The following PPAT variants were observed in gnomAD, a reference collection of about 807,000 sequenced individuals.
PPAT encodes the protein amidophosphoribosyltransferase.
Under a neutral mutation model 60.2 loss-of-function variants are expected in PPAT, and 20 were observed. The observed-to-expected ratio is 0.33, with a 90% CI of 0.23 to 0.48. The LOEUF (loss-of-function observed/expected upper bound fraction) is 0.48, where lower values mean the gene tolerates loss of function less well. Among genes scored for constraint, PPAT ranks in the 20% least tolerant of loss-of-function variants. The pLI, the probability that PPAT is intolerant of heterozygous loss-of-function variation, is 0.99. For synonymous variants in PPAT, 194 were observed against 215.1 expected (o/e 0.90, Z 0.86); for missense variants, 349 against 629.6 (o/e 0.55, Z 4.77).
At chr4:56,420,557 T>C (rs1183949672) in intron 1 of PPAT, 12 of 152,114 alleles carry the variant, frequency 7.9e-5, no homozygotes, top group Non-Finnish European at 1.5e-5. Context: ...TTCCCCAGAA[T>C]AGAAACAGTA....
chr4:56,425,250 C>T (rs1717227651), intron 1 of PPAT: 1 of 153,734 alleles, frequency 6.5e-6, no homozygotes, highest in Non-Finnish European at 1.4e-5. Context: ...AATATTTAAA[C>T]ACTTTTGTAT....
chr4:56,404,346 T>C (rs1470663141), intron 3 of PPAT, among the ~76,000 whole-genome samples: 1 of 152,172 alleles, frequency 6.6e-6, no homozygotes, highest in Non-Finnish European at 1.5e-5. Flanking sequence ...GTGATCATAA[T>C]GGTGGCTACC....
chr4:56,398,054 A>G (rs1281567853), intron 9 of PPAT, among the ~76,000 whole-genome samples: 1 of 151,722 alleles, frequency 6.6e-6, no homozygotes, highest in African/African-American at 2.4e-5. Flanking sequence ...GAAAAAAGAA[A>G]AAAAGGCATA....
At chr4:56,424,477 G>T (rs1578133955) in intron 1 of PPAT, among the ~76,000 whole-genome samples, 1 of 152,114 alleles carries the variant, frequency 6.6e-6, no homozygotes, top group South Asian at 2.1e-4. Flanking sequence ...TGCTAATGCC[G>T]ATAGATTATC....
intron 1 of PPAT, among the ~76,000 whole-genome samples, chr4:56,417,938 C>G (rs1716852370): frequency 6.7e-6 from 1 of 149,704 alleles, no homozygotes; most frequent in Non-Finnish European, 1.5e-5. Context: ...CTCCCAGGTT[C>G]AAGCGATTCT....
rs182653467 is a variant in PPAT, at chr4:56,424,792, C to A, written c.128+10558G>T. Among the ~76,000 whole-genome samples the A allele has an allele frequency of 2.1e-3, 325 of 152,300 alleles. 10 individuals are homozygous for A. In the South Asian group the frequency reaches 0.038, roughly 18 times the overall value. On this transcript the variant is annotated intron_variant, in intron 1 of 10. Coordinates refer to ENST00000264220, the MANE Select transcript of PPAT (RefSeq NM_002703.5). Reference sequence around the variant, plus strand: ...TAGGAGAAACAAAATTGACTTAATTCCGCTCCAATATCAGCTGCCATTTAT... The same window carrying A: ...TAGGAGAAACAAAATTGACTTAATTACGCTCCAATATCAGCTGCCATTTAT...
chr4:56,422,828 T>TCC (rs1717110533), intron 1 of PPAT: 1 of 152,192 alleles, frequency 6.6e-6, no homozygotes, highest in Admixed American at 6.5e-5. Context: ...GAAGCAATGT[T>TCC]CCCCATCGCT....
intron 8 of PPAT, chr4:56,400,137 C>T (rs55909588): frequency 0.081 from 12,355 of 152,354 alleles, 682 homozygotes; most frequent in East Asian, 0.25. Context: ...TTTCTTCCAT[C>T]TCTGCCACCC....
At chr4:56,414,151 C>T (rs572371406) in intron 1 of PPAT, 1 of 152,226 alleles carries the variant, frequency 6.6e-6, no homozygotes, top group Admixed American at 6.5e-5. Context: ...AGTTTTCTCC[C>T]TAGGGCTTAG....
intron 1 of PPAT, among the ~76,000 whole-genome samples, chr4:56,417,007 G>A (rs751002117): frequency 3.9e-5 from 6 of 151,980 alleles, no homozygotes; most frequent in African/African-American, 1.5e-4. Context: ...GCACCATCAC[G>A]CCCAGCTAAT....
In PPAT at chr4:56,403,519, T is replaced by C. The variant is rs966600695; in HGVS notation, c.403-118A>G. ...TGTGGATGTCCAGTTACAAAAATCCTGCATCCCACTAATGCAGCAGTCCCC... is the reference window on the plus strand; with the variant it reads ...TGTGGATGTCCAGTTACAAAAATCCCGCATCCCACTAATGCAGCAGTCCCC... On this transcript the variant is annotated intron_variant, in intron 3 of 10. Transcript: ENST00000264220. 10 of 738,044 alleles carry C rather than the reference T, an allele frequency of 1.4e-5. No individual in the cohort carries two copies. In the African/African-American group the frequency reaches 1.6e-4, roughly 12 times the overall value. 45.7% of individuals were successfully genotyped at this position (738,044 alleles called of 1,614,324 possible). A position where few individuals can be genotyped will look rare whatever the true frequency, so the allele number is the denominator to read the frequency against.
chr4:56,416,415 C>A, intron 1 of PPAT: 1 of 862,298 alleles, frequency 1.2e-6, no homozygotes, highest in Non-Finnish European at 1.4e-6. Context: ...CTTCTGGTTT[C>A]TCATGTCAGA....
At position 56,393,516 on chromosome 4, in the gene PPAT, A is replaced by C. The variant is rs1387412615; in HGVS notation, c.*1836T>G. The C allele has an allele frequency of 7.1e-6, 1 of 139,930 alleles. No individual in the cohort carries two copies. Among genetic ancestry groups the C allele is most frequent in the African/African-American group, 2.7e-5 (1 of 37,644 alleles). The allele number at this position is 139,930 out of a possible 1,614,324, so 8.7% of individuals were successfully genotyped here. On this transcript the variant is annotated 3_prime_UTR_variant, in exon 11 of 11. Coordinates refer to ENST00000264220, the MANE Select transcript of PPAT (RefSeq NM_002703.5). ...TACGTATATGAATTTAAAGCAGTTAAACAACATTTGAGATTAAATTGGTAA... is the reference window on the plus strand; with the variant it reads ...TACGTATATGAATTTAAAGCAGTTACACAACATTTGAGATTAAATTGGTAA...
chr4:56,416,794 C>G (rs1233925948), intron 1 of PPAT, among the ~76,000 whole-genome samples: 1 of 152,142 alleles, frequency 6.6e-6, no homozygotes, highest in Non-Finnish European at 1.5e-5. Context: ...GAGCCACAAC[C>G]AGGTCAAGGA....
At chr4:56,423,088 G>A (rs78197177) in intron 1 of PPAT, 13,991 of 152,190 alleles carry the variant, frequency 0.092, 799 homozygotes, top group East Asian at 0.25. Context: ...ACCAAAACTG[G>A]GGAGGAGGAG....
chr4:56,410,918 AAAAAAAAAAAG>A, intron 1 of PPAT: 3 of 975,800 alleles, frequency 3.1e-6, no homozygotes, highest in Non-Finnish European at 3.7e-6. Flanking sequence ...AAAAAAAAAA[AAAAAAAAAAAG>A]AAAAGTACTC....
At chr4:56,429,027 A>G (rs944768137) in intron 1 of PPAT, 56 of 858,934 alleles carry the variant, frequency 6.5e-5, no homozygotes, top group Non-Finnish European at 7.3e-5. Flanking sequence ...AGAAATAACA[A>G]GTTCTTCCAC....
chr4:56,409,730 G>C (rs1716360271), intron 1 of PPAT, among the ~76,000 whole-genome samples: 1 of 152,110 alleles, frequency 6.6e-6, no homozygotes. Flanking sequence ...ACCAATTTTT[G>C]TTCCAAAGAA....
rs1028821471 is a variant in PPAT, at chr4:56,435,468, C to T, written c.10G>A (p.Glu4Lys). The T allele has an allele frequency of 4.3e-6, 7 of 1,613,670 alleles. No individual in the cohort carries two copies. In the East Asian group the frequency reaches 6.7e-5, roughly 15 times the overall value. The part of the protein sequence containing the change: MEL[E>K]ELGIREECGV... ...CATTCCTCTCGGATCCCCAACTCCT[C>T]CAGCTCCATGTCGCCGCCGAAAGCA... Residue 4 changes from glutamate (E) to lysine (K), a missense_variant, in exon 1 of 11, where the codon GAG becomes AAG. By Grantham distance (56) the Glu-to-Lys change is moderately conservative. This residue lies in a region of PPAT where 115 missense variants were observed against 174.5 expected (regional missense o/e 0.66). Transcript: ENST00000264220.
Sources: gnomAD v4.1 joint callset for allele counts (sites outside exome capture counted in the v4.1 genomes callset) on GRCh38, gnomAD v4.1.1 for gene constraint, gnomAD v4.1.1 regional missense constraint, MANE v1.5 for transcripts, NCBI Gene and HGNC (gene_info 2026-07-23, HGNC 2026-07-21) for gene names.